HIVEP3: variants seen among roughly 807,000 people sequenced by gnomAD.
HIVEP3 encodes transcription factor HIVEP3.
Under a neutral mutation model 152.8 loss-of-function variants are expected in HIVEP3, and 49 were observed. The observed-to-expected ratio is 0.32, with a 90% CI of 0.26 to 0.41. The LOEUF (loss-of-function observed/expected upper bound fraction) is 0.41, where lower values mean the gene tolerates loss of function less well. Among genes scored for constraint, HIVEP3 ranks in the 10% least tolerant of loss-of-function variants. The pLI, the probability that HIVEP3 is intolerant of heterozygous loss-of-function variation, is 1.00. For missense variants in HIVEP3, 2,790 were observed against 3,103.3 expected, an observed-to-expected ratio of 0.90 and a Z score of 2.40; for synonymous variants, 1,269 against 1,289.0, an observed-to-expected ratio of 0.98 and a Z score of 0.33.
intron 1 of HIVEP3, among the ~76,000 whole-genome samples, chr1:41,888,259 A>G (rs550319151): frequency 4.3e-4 from 53 of 124,234 alleles, no homozygotes; most frequent in South Asian, 5.1e-4. Flanking sequence ...TCAACATGTT[A>G]GCCAGGATGG....
chr1:41,526,829 C>T (rs1558028364), intron 5 of HIVEP3, among the ~76,000 whole-genome samples: 3 of 136,548 alleles, frequency 2.2e-5, no homozygotes, highest in African/African-American at 8.4e-5. Context: ...CCCCACACTC[C>T]CTCACACCCG....
intron 1 of HIVEP3, among the ~76,000 whole-genome samples, chr1:41,806,716 C>T (rs1470460810): frequency 6.6e-6 from 1 of 152,166 alleles, no homozygotes; most frequent in Non-Finnish European, 1.5e-5. Flanking sequence ...GGCAAGGAGG[C>T]CTTGGAAGGC....
chr1:42,005,649 C>T (rs1645455146), intron 1 of HIVEP3, among the ~76,000 whole-genome samples: 1 of 152,148 alleles, frequency 6.6e-6, no homozygotes, highest in Admixed American at 6.5e-5. Context: ...GGTTGATAAC[C>T]TTGTTTTGCA....
intron 2 of HIVEP3, among the ~76,000 whole-genome samples, chr1:41,636,609 C>T (rs1645277594): frequency 6.6e-6 from 1 of 152,088 alleles, no homozygotes; most frequent in Non-Finnish European, 1.5e-5. Flanking sequence ...ATCCACAAAA[C>T]AGTAAGACAT....
In HIVEP3 at chr1:41,667,251, G is replaced by C. The variant is rs1285128808; in HGVS notation, c.-721+33665C>G. On this transcript the variant is annotated intron_variant, in intron 2 of 8. Coordinates refer to ENST00000372583, the MANE Select transcript of HIVEP3 (RefSeq NM_024503.5). ...AGAGCATGCTGAACTGTTAACACACGGCTGCTCTGACCATCCTGCCTGGTA... is the reference window on the plus strand; with the variant it reads ...AGAGCATGCTGAACTGTTAACACACCGCTGCTCTGACCATCCTGCCTGGTA... Among the ~76,000 whole-genome samples, 4 of 152,196 alleles carry C rather than the reference G, an allele frequency of 2.6e-5. No homozygotes were observed. The South Asian group carries it at 8.3e-4, about 31-fold the overall frequency.
chr1:41,841,491 C>T (rs1021301426), intron 1 of HIVEP3, among the ~76,000 whole-genome samples: 3 of 152,192 alleles, frequency 2.0e-5, no homozygotes, highest in African/African-American at 7.2e-5. Flanking sequence ...ACCAGTATCA[C>T]CCTCTGACCA....
chr1:41,805,230 G>A (rs1650532345), intron 1 of HIVEP3, among the ~76,000 whole-genome samples: 1 of 152,144 alleles, frequency 6.6e-6, no homozygotes, highest in South Asian at 2.1e-4. Flanking sequence ...CCAGCTACTC[G>A]GGAGACTGAG....
chr1:41,731,552 A>G (rs1646840138), intron 1 of HIVEP3, among the ~76,000 whole-genome samples: 1 of 152,204 alleles, frequency 6.6e-6, no homozygotes, highest in South Asian at 2.1e-4. Flanking sequence ...TTCCATGGCT[A>G]GGTCATAAAG....
chr1:41,615,074 C>T (rs966945374), intron 3 of HIVEP3, among the ~76,000 whole-genome samples: 6 of 152,136 alleles, frequency 3.9e-5, no homozygotes, highest in Admixed American at 1.3e-4. Flanking sequence ...TGGTGACCAC[C>T]GTTACAAGTT....
intron 2 of HIVEP3, among the ~76,000 whole-genome samples, chr1:41,685,440 C>T (rs180763082): frequency 1.3e-4 from 20 of 152,376 alleles, no homozygotes; most frequent in East Asian, 5.8e-4. Flanking sequence ...TCCTCCACTG[C>T]ACTGTAAGTT....
In HIVEP3 at chr1:41,582,573, G is replaced by T. The variant is rs931791609; in HGVS notation, c.2225C>A (p.Pro742Gln). ...STKSQFGSPGPSDAARNLPLE... is the reference protein window; with the variant it reads ...STKSQFGSPGQSDAARNLPLE... ...GGGAAGGTTCCGAGCAGCATCAGAT[G>T]GCCCGGGGCTGCCAAACTGACTTTT... Residue 742 changes from proline to glutamine, a missense_variant, in exon 4 of 9, where the codon CCA (proline) becomes CAA (glutamine). By Grantham distance (76) the Pro-to-Gln change is moderately conservative (BLOSUM62 -1). Around this residue, in one of 9 missense-constraint regions of HIVEP3, gnomAD observed 339 missense variants for 327.0 expected, o/e 1.04. Coordinates refer to ENST00000372583, the MANE Select transcript of HIVEP3 (RefSeq NM_024503.5). The surrounding 1 kb of genome is among the most constrained non-coding windows in gnomAD (Gnocchi z 4.7). 5 of 1,611,798 alleles carry T rather than the reference G, an allele frequency of 3.1e-6. No homozygotes were observed. In the African/African-American group the frequency reaches 6.7e-5, roughly 22 times the overall value.
intron 2 of HIVEP3, among the ~76,000 whole-genome samples, chr1:41,688,832 T>C (rs1646152170): frequency 2.0e-5 from 3 of 151,988 alleles, no homozygotes; most frequent in Admixed American, 2.0e-4. Flanking sequence ...TTTTTTTTTT[T>C]TGCCTCTGTT....
chr1:41,686,394 C>T (rs138379972), intron 2 of HIVEP3, among the ~76,000 whole-genome samples: 293 of 152,222 alleles, frequency 1.9e-3, no homozygotes, highest in African/African-American at 6.6e-3. Context: ...TTTTCAAAGT[C>T]ACCACTTAAG....
At chr1:41,802,732 T>C (rs1650380579) in intron 1 of HIVEP3, among the ~76,000 whole-genome samples, 1 of 152,144 alleles carries the variant, frequency 6.6e-6, no homozygotes, top group Non-Finnish European at 1.5e-5. Flanking sequence ...GTTGTGAAAA[T>C]GACAGTCACA....
chr1:41,986,082 T>C (rs1304439493), intron 1 of HIVEP3, among the ~76,000 whole-genome samples: 1 of 152,224 alleles, frequency 6.6e-6, no homozygotes, highest in Non-Finnish European at 1.5e-5. Context: ...TTACATGATG[T>C]GGCTCAAGTC....
intron 1 of HIVEP3, among the ~76,000 whole-genome samples, chr1:41,717,810 T>A (rs546934833): frequency 6.6e-6 from 1 of 152,304 alleles, no homozygotes; most frequent in African/African-American, 2.4e-5. Flanking sequence ...GCATGGACCC[T>A]GGCCAGAGGA....
chr1:41,627,960 G>A (rs1333699294), intron 3 of HIVEP3, among the ~76,000 whole-genome samples: 1 of 148,828 alleles, frequency 6.7e-6, no homozygotes, highest in African/African-American at 2.5e-5. Flanking sequence ...GGGTGATTCT[G>A]GCTCTCCACA....
At chr1:41,599,109 A>G (rs66756906) in intron 3 of HIVEP3, among the ~76,000 whole-genome samples, 13,742 of 152,178 alleles carry the variant, frequency 0.09, 686 homozygotes, top group Middle Eastern at 0.16. Context: ...GAGCCACCAC[A>G]CCCAGTCTCA....
At chr1:41,668,856 G>A (rs1181167470) in intron 2 of HIVEP3, among the ~76,000 whole-genome samples, 1 of 152,128 alleles carries the variant, frequency 6.6e-6, no homozygotes, top group African/African-American at 2.4e-5. Flanking sequence ...TGTGTCTGGT[G>A]CCCCTACTAG....
Sources: gnomAD v4.1 joint callset for allele counts (sites outside exome capture counted in the v4.1 genomes callset) on GRCh38, gnomAD v4.1.1 for gene constraint, gnomAD v4.1.1 regional missense constraint, Gnocchi (gnomAD v3.1) non-coding constraint, MANE v1.5 for transcripts, NCBI Gene and HGNC (gene_info 2026-07-23, HGNC 2026-07-21) for gene names.